The following RNF125 variants were observed in gnomAD, a reference collection of about 807,000 sequenced individuals.
The protein encoded by RNF125 is E3 ubiquitin-protein ligase RNF125.
In RNF125, 21 loss-of-function variants were observed where a neutral mutation model predicts 26.0. That is an observed-to-expected ratio of 0.81 (90% CI 0.57 to 1.16). RNF125 has a LOEUF of 1.16. Ranked by LOEUF, RNF125 falls within the 50% of genes most tolerant of loss-of-function variation. RNF125 has a pLI of 0.00. For missense variants in RNF125, 270 were observed against 299.4 expected (o/e 0.90, Z 0.72); for synonymous variants, 95 against 109.2 (o/e 0.87, Z 0.81).
intron 1 of RNF125, among the ~76,000 whole-genome samples, chr18:32,021,005 G>A (rs1189222777): frequency 2.0e-5 from 3 of 152,204 alleles, no homozygotes; most frequent in African/African-American, 4.8e-5. Context: ...ACTACTGCCC[G>A]TCTGTGAGCC....
chr18:32,026,252 T>G (rs1053185691), intron 1 of RNF125, among the ~76,000 whole-genome samples: 1 of 138,718 alleles, frequency 7.2e-6, no homozygotes, highest in Non-Finnish European at 1.6e-5. Flanking sequence ...CTTTTTTTTT[T>G]TTTTTTTTTT....
chr18:32,089,902 C>T, the RNF125 span, among the ~76,000 whole-genome samples: 2 of 152,146 alleles, frequency 1.3e-5, no homozygotes, highest in East Asian at 1.9e-4. Context: ...AGAAAATACA[C>T]CTTACTTCCT....
chr18:32,065,875 T>C, intron 4 of RNF125, 27 bp from the exon 5 acceptor site: 1 of 1,465,170 alleles, frequency 6.8e-7, no homozygotes, highest in Non-Finnish European at 9.5e-7. Flanking sequence ...AATTCTTTCT[T>C]GAACCCCTGG....
At chr18:32,079,206 C>T in the RNF125 span, among the ~76,000 whole-genome samples, 34 of 152,264 alleles carry the variant, frequency 2.2e-4, no homozygotes, top group Admixed American at 7.9e-4. Flanking sequence ...CTTCTCACTG[C>T]GTCCTTACAT....
At chr18:32,085,243 C>G in the RNF125 span, among the ~76,000 whole-genome samples, 1 of 151,990 alleles carries the variant, frequency 6.6e-6, no homozygotes, top group African/African-American at 2.4e-5. Flanking sequence ...GCAGAAAGGC[C>G]AAGTTGACAG....
At chr18:32,082,045 C>A in the RNF125 span, among the ~76,000 whole-genome samples, 2 of 152,108 alleles carry the variant, frequency 1.3e-5, no homozygotes, top group African/African-American at 4.8e-5. Context: ...TCCTGGCAAC[C>A]GGAGTGGGAA....
At position 32,031,714 on chromosome 18, in the gene RNF125, G is replaced by A. The variant is rs555120731; in HGVS notation, c.165-5402G>A. The stretch of plus-strand genomic sequence containing the variant: ...AGAGACTCAGAGACATCCAAGGTCA[G>A]ATTGTACCTTAGAACTTATAATTAG... On this transcript the variant is annotated intron_variant, in intron 1 of 5. Coordinates refer to ENST00000217740, the MANE Select transcript of RNF125 (RefSeq NM_017831.4). Among the ~76,000 whole-genome samples the A allele has an allele frequency of 1.9e-4, 29 of 152,190 alleles. No homozygotes were observed. The South Asian group carries it at 4.1e-3, about 22-fold the overall frequency.
chr18:32,055,431 G>C (rs1309954339), intron 4 of RNF125, among the ~76,000 whole-genome samples: 5 of 152,132 alleles, frequency 3.3e-5, no homozygotes, highest in Admixed American at 2.0e-4. Context: ...TAGAAAGGAA[G>C]GAGGTTTAAT....
chr18:32,078,659 A>G, the RNF125 span, among the ~76,000 whole-genome samples: 1 of 152,146 alleles, frequency 6.6e-6, no homozygotes, highest in African/African-American at 2.4e-5. Context: ...AAGAAAAGAA[A>G]AAAAATACAT....
chr18:32,067,303 G>A (rs1194809354), intron 5 of RNF125, among the ~76,000 whole-genome samples: 3 of 152,154 alleles, frequency 2.0e-5, no homozygotes, highest in African/African-American at 7.2e-5. Context: ...AAGCCAGGTC[G>A]ATTCTATGGC....
chr18:32,086,637 C>T, the RNF125 span, among the ~76,000 whole-genome samples: 2 of 152,028 alleles, frequency 1.3e-5, no homozygotes, highest in Non-Finnish European at 2.9e-5. Flanking sequence ...TCTCCTGCCT[C>T]AGCCTCCTAA....
chr18:32,025,664 C>CAAAAAA (rs34054474), intron 1 of RNF125, among the ~76,000 whole-genome samples: 2 of 65,192 alleles, frequency 3.1e-5, no homozygotes, highest in African/African-American at 4.2e-5. Flanking sequence ...AACTCTGTCT[C>CAAAAAA]AAAAAAAAAA....
chr18:32,020,002 C>CTCTGTGTGTGTGTG (rs1223003001), intron 1 of RNF125, among the ~76,000 whole-genome samples: 1 of 149,898 alleles, frequency 6.7e-6, no homozygotes, highest in African/African-American at 2.5e-5. Context: ...TCTCTGTTTA[C>CTCTGTGTGTGTGTG]TGTGTGTGTG....
rs1193264476 is a variant in RNF125 at position 32,068,394 on chromosome 18, A to G, written c.*10A>G. 6.6e-7 allele frequency: 1 copy of G among 1,509,018 alleles called. No homozygotes were observed. Among genetic ancestry groups the G allele is most frequent in the East Asian group, 2.3e-5 (1 of 44,390 alleles). 93.5% of individuals were successfully genotyped at this position (1,509,018 alleles called of 1,614,324 possible). ...CTCGAACACCACATAATTTTATTAAAACGAAGGGAAAAGGGACCACTGAAT... is the reference window on the plus strand; with the variant it reads ...CTCGAACACCACATAATTTTATTAAGACGAAGGGAAAAGGGACCACTGAAT... On this transcript the variant is annotated 3_prime_UTR_variant, in exon 6 of 6. Transcript: ENST00000217740.
intron 1 of RNF125, among the ~76,000 whole-genome samples, chr18:32,032,295 C>G (rs1309180972): frequency 1.3e-5 from 2 of 151,928 alleles, no homozygotes; most frequent in East Asian, 3.9e-4. Context: ...CCAGGCTGGT[C>G]TCGAACCCCT....
intron 1 of RNF125, among the ~76,000 whole-genome samples, chr18:32,022,557 A>G (rs2144427081): frequency 6.6e-6 from 1 of 152,306 alleles, no homozygotes; most frequent in Non-Finnish European, 1.5e-5. Flanking sequence ...ATGCTTTTAT[A>G]CCATCTTGAG....
the RNF125 span, among the ~76,000 whole-genome samples, chr18:32,084,674 A>G: frequency 6.6e-5 from 10 of 152,212 alleles, 1 homozygote; most frequent in Non-Finnish European, 1.3e-4. Context: ...TCAGTTCCAC[A>G]GTTTTGGGAG....
intron 4 of RNF125, among the ~76,000 whole-genome samples, chr18:32,058,582 G>A (rs530564528): frequency 6.6e-6 from 1 of 152,216 alleles, no homozygotes; most frequent in East Asian, 1.9e-4. Context: ...CTGACCTCAG[G>A]TGATCCACCC....
intron 4 of RNF125, among the ~76,000 whole-genome samples, chr18:32,055,317 G>T (rs1006357961): frequency 7.5e-6 from 1 of 132,768 alleles, no homozygotes; most frequent in Non-Finnish European, 1.7e-5. Context: ...AAAAAAAAAA[G>T]AAATTAGACC....
Sources: gnomAD v4.1 joint callset for allele counts (sites outside exome capture counted in the v4.1 genomes callset) on GRCh38, gnomAD v4.1.1 for gene constraint, MANE v1.5 for transcripts, NCBI Gene and HGNC (gene_info 2026-07-23, HGNC 2026-07-21) for gene names.